CPSF2: variants seen among roughly 807,000 people sequenced by gnomAD.
The protein encoded by CPSF2 is cleavage and polyadenylation specific factor 2, also known as cleavage and polyadenylation specificity factor subunit 2.
A neutral mutation model predicts 84.2 loss-of-function variants in CPSF2; 51 were observed. The observed-to-expected ratio is 0.61, with a 90% CI of 0.48 to 0.77. The LOEUF is 0.77. CPSF2 is among the 30% of genes least tolerant of loss of function. The probability of loss-of-function intolerance (pLI) is 0.00; values close to 1 mark genes in which losing one functional copy is unlikely to be tolerated. For synonymous variants in CPSF2, 286 were observed against 311.9 expected (o/e 0.92, Z 0.87); for missense variants, 641 against 929.4 (o/e 0.69, Z 4.03).
intron 1 of CPSF2, among the ~76,000 whole-genome samples, chr14:92,124,865 G>A (rs1043501763): frequency 6.6e-6 from 1 of 151,906 alleles, no homozygotes; most frequent in South Asian, 2.1e-4. Context: ...TTTTCCATGT[G>A]GCCATGAAGA....
intron 2 of CPSF2, among the ~76,000 whole-genome samples, chr14:92,127,715 G>A (rs1167721901): frequency 2.0e-5 from 3 of 152,134 alleles, no homozygotes; most frequent in Non-Finnish European, 4.4e-5. Flanking sequence ...AATGACTGAA[G>A]ATGTCAAGTC....
Position 92,167,726 on chromosome 14 carries a change from G to C in CPSF2, c.*5982G>C, listed in dbSNP as rs1303775873. 2 of 151,932 alleles carry C rather than the reference G, an allele frequency of 1.3e-5. No individual in the cohort carries two copies. Among genetic ancestry groups the C allele is most frequent in the African/African-American group, 2.4e-5 (1 of 41,330 alleles). 9.4% of individuals were successfully genotyped at this position (151,932 alleles called of 1,614,324 possible). Reference sequence around the variant, plus strand: ...TCTATACTGTGTCCAGTAAAGGTCGGGGGAGAAAGAGTAAATCTTATCTTC... The same window carrying C: ...TCTATACTGTGTCCAGTAAAGGTCGCGGGAGAAAGAGTAAATCTTATCTTC... On this transcript the variant is annotated 3_prime_UTR_variant, in exon 16 of 16. Transcript: ENST00000298875.
intron 7 of CPSF2, among the ~76,000 whole-genome samples, chr14:92,141,453 C>T (rs1463301999): frequency 6.6e-6 from 1 of 152,104 alleles, no homozygotes; most frequent in African/African-American, 2.4e-5. Flanking sequence ...TCTAGCTTCC[C>T]ACATAGCTAA....
rs1950486683 is a variant in CPSF2, at chr14:92,157,261, A to G, written c.1596-398A>G. On this transcript the variant is annotated intron_variant, in intron 12 of 15. Coordinates refer to ENST00000298875, the MANE Select transcript of CPSF2 (RefSeq NM_017437.3). This position sits in a 1 kb window ranked among gnomAD's most constrained non-coding sequence, Gnocchi z 4.0. ...GGTGGCTGATGCCTGTAATCCCAGC[A>G]CTTTGGTAGGCCGAGATAGGCTGAT... Among the ~76,000 whole-genome samples, 1 of 152,148 alleles carries G rather than the reference A, an allele frequency of 6.6e-6. No individual in the cohort carries two copies. The highest frequency in any genetic ancestry group is 1.5e-5 in the Non-Finnish European group (1 of 68,030).
chr14:92,124,607 A>G (rs1567014475), intron 1 of CPSF2, among the ~76,000 whole-genome samples: 1 of 152,174 alleles, frequency 6.6e-6, no homozygotes, highest in Admixed American at 6.6e-5. Flanking sequence ...TCTATAGTGT[A>G]AAGCATTGGT....
chr14:92,152,984 G>A (rs750759544), intron 9 of CPSF2, among the ~76,000 whole-genome samples: 3 of 149,048 alleles, frequency 2.0e-5, no homozygotes, highest in Non-Finnish European at 4.4e-5. Flanking sequence ...TGCAATGTAC[G>A]AATGTACTTT....
chr14:92,148,467 A>G (rs1022376817), intron 9 of CPSF2, among the ~76,000 whole-genome samples: 1 of 152,210 alleles, frequency 6.6e-6, no homozygotes, highest in African/African-American at 2.4e-5. Context: ...GACCCCATTC[A>G]GCATTCACCT....
intron 3 of CPSF2, 149 bp from the exon 4 acceptor site, chr14:92,133,862 A>G: frequency 1.3e-6 from 1 of 746,064 alleles, no homozygotes; most frequent in South Asian, 1.7e-5. Flanking sequence ...GTAATAATTG[A>G]AATTCATAGG....
Position 92,167,628 on chromosome 14 carries a change from T to TA in CPSF2, c.*5884_*5885insA, listed in dbSNP as rs58397045. On this transcript the variant is annotated 3_prime_UTR_variant, in exon 16 of 16. Transcript: ENST00000298875. ...TTCACTTTGCTTAGGAGTGATATGT[T>TA]CAGTTTATCTTCTCTAAGAATGGCA... 24,718 of 152,058 alleles carry TA rather than the reference T, an allele frequency of 0.16. 2,228 individuals are homozygous for TA. Among genetic ancestry groups the TA allele is most frequent in the East Asian group, 0.4 (2,048 of 5,130 alleles). 9.4% of individuals were successfully genotyped at this position (152,058 alleles called of 1,614,324 possible).
At chr14:92,154,185 A>G (rs535355960) in intron 9 of CPSF2, 173 bp from the exon 10 acceptor site, 3 of 487,704 alleles carry the variant, frequency 6.2e-6, no homozygotes, top group Admixed American at 7.1e-5. Context: ...TTTTAATACT[A>G]ATCTAAATAG....
chr14:92,167,778 A>G lies in CPSF2; in HGVS notation c.*6034A>G, dbSNP rs1341157780. 2 of 151,070 alleles carry G rather than the reference A, an allele frequency of 1.3e-5. No individual in the cohort carries two copies. The highest frequency in any genetic ancestry group is 2.9e-5 in the Non-Finnish European group (2 of 67,826). 9.4% of individuals were successfully genotyped at this position (151,070 alleles called of 1,614,324 possible). A position where few individuals can be genotyped will look rare whatever the true frequency, so the allele number is the denominator to read the frequency against. On this transcript the variant is annotated 3_prime_UTR_variant, in exon 16 of 16. Coordinates refer to ENST00000298875, the MANE Select transcript of CPSF2 (RefSeq NM_017437.3). Reference sequence around the variant, plus strand: ...TCTGTACTTTTCTTTGATTAATGTAAGAGTCTAGAGTTTTATCAGAAGATT... The same window carrying G: ...TCTGTACTTTTCTTTGATTAATGTAGGAGTCTAGAGTTTTATCAGAAGATT...
rs34772213 is a variant in CPSF2 at position 92,167,892 on chromosome 14, G to GT, written c.*6166dup. 0.12 allele frequency: 16,825 copies of GT among 135,238 alleles called. 1,332 individuals are homozygous for GT. The highest frequency in any genetic ancestry group is 0.21 in the African/African-American group (7,586 of 36,488). The allele number at this position is 135,238 out of a possible 1,614,324, so 8.4% of individuals were successfully genotyped here. A position where few individuals can be genotyped will look rare whatever the true frequency, so the allele number is the denominator to read the frequency against. The stretch of plus-strand genomic sequence containing the variant: ...TCAGTGATTGAGAGGTTAATTGCAG[G>GT]TTTTTTTTTTTTTTTTTTCTGGTAA... On this transcript the variant is annotated 3_prime_UTR_variant, in exon 16 of 16. Coordinates refer to ENST00000298875, the MANE Select transcript of CPSF2 (RefSeq NM_017437.3).
chr14:92,137,241 G>C (rs1257943908), intron 6 of CPSF2, among the ~76,000 whole-genome samples: 1 of 151,952 alleles, frequency 6.6e-6, no homozygotes, highest in Admixed American at 6.6e-5. Flanking sequence ...TTTTGAAACA[G>C]AGTCTCACTC....
At chr14:92,138,721 C>T (rs1317949995) in intron 7 of CPSF2, among the ~76,000 whole-genome samples, 7 of 152,180 alleles carry the variant, frequency 4.6e-5, no homozygotes, top group African/African-American at 7.2e-5. Flanking sequence ...TGAGCCACCA[C>T]GCCCGGCCAC....
At chr14:92,123,654 C>G (rs2068808646) in intron 1 of CPSF2, among the ~76,000 whole-genome samples, 3 of 152,322 alleles carry the variant, frequency 2.0e-5, no homozygotes, top group South Asian at 2.1e-4. Context: ...CCTCCTCGGC[C>G]TCCCAAAGTG....
At chr14:92,160,556 A>C (rs2069358662) in intron 14 of CPSF2, among the ~76,000 whole-genome samples, 2 of 152,222 alleles carry the variant, frequency 1.3e-5, no homozygotes. Flanking sequence ...AGGAGGAATA[A>C]GAATATTTTT....
In CPSF2 at chr14:92,171,151, G is replaced by A. The variant is rs576230352; in HGVS notation, c.*9407G>A. The A allele has an allele frequency of 6.6e-6, 1 of 152,124 alleles. No individual in the cohort carries two copies. The highest frequency in any genetic ancestry group is 2.1e-4 in the South Asian group (1 of 4,830). 9.4% of individuals were successfully genotyped at this position (152,124 alleles called of 1,614,324 possible). ...TTTTCTTTTCTTTTCTTTTGAGACAGTGTCTTGCTCTGTTGCCCAGGCTAC... is the reference window on the plus strand; with the variant it reads ...TTTTCTTTTCTTTTCTTTTGAGACAATGTCTTGCTCTGTTGCCCAGGCTAC... On this transcript the variant is annotated 3_prime_UTR_variant, in exon 16 of 16. Transcript: ENST00000298875.
Position 92,167,746 on chromosome 14 carries a change from A to G in CPSF2, c.*6002A>G, listed in dbSNP as rs1302621726. 1 of 149,446 alleles carries G rather than the reference A, an allele frequency of 6.7e-6. No individual in the cohort carries two copies. Among genetic ancestry groups the G allele is most frequent in the Non-Finnish European group, 1.5e-5 (1 of 67,482 alleles). The allele number at this position is 149,446 out of a possible 1,614,324, so 9.3% of individuals were successfully genotyped here. On this transcript the variant is annotated 3_prime_UTR_variant, in exon 16 of 16. Coordinates refer to ENST00000298875, the MANE Select transcript of CPSF2 (RefSeq NM_017437.3). ...GGTCGGGGGAGAAAGAGTAAATCTT[A>G]TCTTCTTCTGTACTTTTCTTTGATT...
chr14:92,161,632 T>G lies in CPSF2; in HGVS notation c.2257-20T>G, dbSNP rs1393719207. On this transcript the variant is annotated intron_variant, in intron 15 of 15. Coordinates refer to ENST00000298875, the MANE Select transcript of CPSF2 (RefSeq NM_017437.3). ...ATGAATAGAAAATGTACTAAAGAATTTTTTTTATTTGGTTTCTAGACGGAA... is the reference window on the plus strand; with the variant it reads ...ATGAATAGAAAATGTACTAAAGAATGTTTTTTATTTGGTTTCTAGACGGAA... The G allele has an allele frequency of 1.9e-6, 3 of 1,542,654 alleles. No individual in the cohort carries two copies. The highest frequency in any genetic ancestry group is 2.2e-5 in the Admixed American group (1 of 46,014).
Sources: allele counts gnomAD v4.1 joint callset (sites outside exome capture counted in the v4.1 genomes callset), GRCh38; gene constraint gnomAD v4.1.1; non-coding constraint Gnocchi (gnomAD v3.1); transcripts MANE v1.5; gene names NCBI Gene and HGNC (gene_info 2026-07-23, HGNC 2026-07-21).